Variants in PPP3CA observed in about 807,000 individuals in gnomAD.
PPP3CA encodes protein phosphatase 3 catalytic subunit alpha.
A neutral mutation model predicts 66.5 loss-of-function variants in PPP3CA; 14 were observed. That is an observed-to-expected ratio of 0.21 (90% CI 0.14 to 0.33). PPP3CA has a LOEUF of 0.33. PPP3CA is among the 10% of genes least tolerant of loss of function. The pLI, the probability that PPP3CA is intolerant of heterozygous loss-of-function variation, is 1.00. For missense variants in PPP3CA, 317 were observed against 639.5 expected (o/e 0.50, Z 5.44); for synonymous variants, 232 against 226.2 (o/e 1.03, Z -0.23).
At chr4:101,307,451 T>C (rs770926762) in intron 1 of PPP3CA, among the ~76,000 whole-genome samples, 2 of 152,214 alleles carry the variant, frequency 1.3e-5, no homozygotes, top group Non-Finnish European at 2.9e-5. Flanking sequence ...GTCACCATAG[T>C]TGGCTGACCT....
At chr4:101,317,822 C>T (rs1728926793) in intron 1 of PPP3CA, among the ~76,000 whole-genome samples, 1 of 152,206 alleles carries the variant, frequency 6.6e-6, no homozygotes, top group South Asian at 2.1e-4. Context: ...CACTGGTTGA[C>T]ATCCTAGTAT....
intron 10 of PPP3CA, among the ~76,000 whole-genome samples, chr4:101,041,916 A>G (rs1727539956): frequency 6.7e-6 from 1 of 149,896 alleles, no homozygotes; most frequent in African/African-American, 2.5e-5. Context: ...GTTTGAGTCA[A>G]GTAATTTGCT....
chr4:101,073,681 T>TAATC (rs776029670), intron 8 of PPP3CA, among the ~76,000 whole-genome samples: 101 of 152,324 alleles, frequency 6.6e-4, no homozygotes, highest in Non-Finnish European at 1.1e-3. Flanking sequence ...TTAGGCTTAA[T>TAATC]AATCATTAAG....
chr4:101,108,445 A>C (rs1380541155), intron 3 of PPP3CA, among the ~76,000 whole-genome samples: 1 of 152,222 alleles, frequency 6.6e-6, no homozygotes, highest in Non-Finnish European at 1.5e-5. Context: ...CTTACTATTT[A>C]CCATTTTTTG....
At chr4:101,079,694 A>G (rs1020123090) in intron 8 of PPP3CA, among the ~76,000 whole-genome samples, 1 of 152,246 alleles carries the variant, frequency 6.6e-6, no homozygotes, top group Non-Finnish European at 1.5e-5. Context: ...TGCTACATAG[A>G]GTTAAAGGCT....
At chr4:101,336,449 G>A (rs1186180560) in intron 1 of PPP3CA, among the ~76,000 whole-genome samples, 1 of 151,980 alleles carries the variant, frequency 6.6e-6, no homozygotes, top group Non-Finnish European at 1.5e-5. Context: ...GCGCATGCCT[G>A]TAGTCCCAGT....
intron 1 of PPP3CA, among the ~76,000 whole-genome samples, chr4:101,251,525 A>G (rs1395007486): frequency 6.6e-6 from 1 of 152,108 alleles, no homozygotes; most frequent in Non-Finnish European, 1.5e-5. Context: ...ATAGAGTACA[A>G]TGATGTTTCT....
intron 1 of PPP3CA, among the ~76,000 whole-genome samples, chr4:101,294,461 G>C (rs1410176844): frequency 6.6e-6 from 1 of 152,052 alleles, no homozygotes; most frequent in Non-Finnish European, 1.5e-5. Flanking sequence ...TTGCCTTGGG[G>C]TATTTCAGTA....
intron 1 of PPP3CA, among the ~76,000 whole-genome samples, chr4:101,230,292 A>T (rs903431346): frequency 2.0e-5 from 3 of 151,554 alleles, no homozygotes; most frequent in South Asian, 4.1e-4. Flanking sequence ...TTGGGCCAAC[A>T]TCACCTCTAC....
chr4:101,174,093 C>A (rs1364271937), intron 2 of PPP3CA, among the ~76,000 whole-genome samples: 1 of 151,748 alleles, frequency 6.6e-6, no homozygotes, highest in East Asian at 1.9e-4. Context: ...ACTACGCCCC[C>A]CCCACCCCGC....
intron 1 of PPP3CA, among the ~76,000 whole-genome samples, chr4:101,255,852 T>C (rs920577876): frequency 1.3e-5 from 2 of 151,880 alleles, no homozygotes; most frequent in Non-Finnish European, 2.9e-5. Flanking sequence ...CACTGTTGGT[T>C]CTGTGTTAAT....
intron 1 of PPP3CA, among the ~76,000 whole-genome samples, chr4:101,274,918 A>ATAGCATATGTGTGAGTAATTC (rs1727442280): frequency 6.6e-6 from 1 of 152,226 alleles, no homozygotes; most frequent in Non-Finnish European, 1.5e-5. Context: ...ATATGAGATA[A>ATAGCATATGTGTGAGTAATTC]ATTGTGTGAG....
chr4:101,051,255 T>A (rs969487369), intron 10 of PPP3CA, among the ~76,000 whole-genome samples: 1 of 152,158 alleles, frequency 6.6e-6, no homozygotes, highest in Non-Finnish European at 1.5e-5. Flanking sequence ...AGAAATACTT[T>A]TAAAATTTAA....
At chr4:101,031,640 T>G (rs910126373) in intron 12 of PPP3CA, among the ~76,000 whole-genome samples, 8 of 152,162 alleles carry the variant, frequency 5.3e-5, no homozygotes, top group African/African-American at 1.9e-4. Flanking sequence ...CACAAAGAGC[T>G]CTGCTGGACG....
intron 1 of PPP3CA, among the ~76,000 whole-genome samples, chr4:101,252,030 C>A (rs969499541): frequency 2.0e-5 from 3 of 152,070 alleles, no homozygotes; most frequent in Non-Finnish European, 2.9e-5. Flanking sequence ...ACGGGCATAC[C>A]CACAATTCCC....
At chr4:101,078,754 T>G (rs1729296629) in intron 8 of PPP3CA, among the ~76,000 whole-genome samples, 1 of 152,222 alleles carries the variant, frequency 6.6e-6, no homozygotes, top group Non-Finnish European at 1.5e-5. Flanking sequence ...GACCCAATTT[T>G]ATTGCAGTGC....
chr4:101,057,302 C>T (rs1489827869), intron 10 of PPP3CA, among the ~76,000 whole-genome samples: 2 of 152,116 alleles, frequency 1.3e-5, no homozygotes, highest in African/African-American at 2.4e-5. Context: ...AGTGATCTGC[C>T]GGCCTTGGCC....
intron 1 of PPP3CA, among the ~76,000 whole-genome samples, chr4:101,302,118 A>G (rs1434833687): frequency 6.6e-6 from 1 of 152,162 alleles, no homozygotes; most frequent in Non-Finnish European, 1.5e-5. Flanking sequence ...ATGAAAAACA[A>G]AATGTATAAA....
chr4:101,198,043 G>T (rs1724856587), intron 1 of PPP3CA, among the ~76,000 whole-genome samples: 1 of 152,090 alleles, frequency 6.6e-6, no homozygotes, highest in Non-Finnish European at 1.5e-5. Context: ...ATTTTGAGTA[G>T]CTTATAGTAC....
Sources: allele counts gnomAD v4.1 joint callset (sites outside exome capture counted in the v4.1 genomes callset), GRCh38; gene constraint gnomAD v4.1.1; transcripts MANE v1.5; gene names NCBI Gene and HGNC (gene_info 2026-07-23, HGNC 2026-07-21).